Variants in LRP1B observed in about 807,000 individuals in gnomAD.
LRP1B encodes LDL receptor related protein 1B.
A neutral mutation model predicts 556.6 loss-of-function variants in LRP1B; 217 were observed. The observed-to-expected ratio is 0.39, with a 90% confidence interval of 0.35 to 0.44. LRP1B has a LOEUF of 0.44. LRP1B is among the 20% of genes least tolerant of loss of function. LRP1B has a pLI of 1.00. For synonymous variants in LRP1B, 2,047 were observed against 1,865.8 expected (o/e 1.10, Z -2.50); for missense variants, 5,053 against 5,620.8 (o/e 0.90, Z 3.23).
rs149512783 is a variant in LRP1B at position 141,278,060 on chromosome 2, T to G, written c.344-23419A>C. ...CTTCCCAATATTTCAACAAGCAAAT[T>G]TATTTTGATTCGTGAGCATGAGTCA... On this transcript the variant is annotated intron_variant, in intron 3 of 90. Transcript: ENST00000389484. Among the ~76,000 whole-genome samples the G allele has an allele frequency of 5.8e-3, 882 of 152,322 alleles. 9 individuals carry two copies. The highest frequency in any genetic ancestry group is 0.02 in the African/African-American group (829 of 41,586).
intron 2 of LRP1B, among the ~76,000 whole-genome samples, chr2:141,764,030 G>A (rs1328810100): frequency 6.6e-6 from 1 of 152,122 alleles, no homozygotes; most frequent in East Asian, 1.9e-4. Flanking sequence ...TAAGATAAAA[G>A]TTCTTAAATT....
chr2:141,319,689 A>G (rs1007646415), intron 3 of LRP1B, among the ~76,000 whole-genome samples: 1 of 152,114 alleles, frequency 6.6e-6, no homozygotes, highest in Non-Finnish European at 1.5e-5. Context: ...TCAGGTAGAT[A>G]ATACAGTTGT....
rs962257403 is a variant in LRP1B, at chr2:140,905,226, C to G, written c.3521-2061G>C. 5.3e-5 allele frequency among the ~76,000 whole-genome samples: 8 copies of G among 152,130 alleles called. No homozygotes were observed. In the South Asian group the frequency reaches 1.7e-3, roughly 32 times the overall value. ...CCTGCTGCCCTCACCTCCACCGCCC[C>G]CCTCCCCAAGCCCCTGGGCCACAAA... On this transcript the variant is annotated intron_variant, in intron 22 of 90. Transcript: ENST00000389484.
At chr2:140,514,624 T>A in intron 51 of LRP1B, 29 bp downstream of exon 51, 1 of 1,586,148 alleles carries the variant, frequency 6.3e-7, no homozygotes, top group Non-Finnish European at 8.6e-7. Context: ...GCTTAAAAAC[T>A]GATTGAGGAC....
chr2:141,398,801 C>G lies in LRP1B; in HGVS notation c.343+81595G>C, dbSNP rs560961429. Among the ~76,000 whole-genome samples, 267 of 152,300 alleles carry G rather than the reference C, an allele frequency of 1.8e-3. 2 individuals are homozygous for G. Among genetic ancestry groups the G allele is most frequent in the South Asian group, 3.7e-3 (18 of 4,824 alleles). ...CTTACAACAGCTGACTGAAACACCC[C>G]CTCCTTGAGGGTCCGGCCAACAGCT... On this transcript the variant is annotated intron_variant, in intron 3 of 90. Coordinates refer to ENST00000389484, the MANE Select transcript of LRP1B (RefSeq NM_018557.3).
At chr2:141,517,029 A>AAAAAAAAAAAAAAAAAAAAAAC (rs772472942) in intron 2 of LRP1B, among the ~76,000 whole-genome samples, 8 of 90,172 alleles carry the variant, frequency 8.9e-5, no homozygotes, top group South Asian at 4.3e-4. Flanking sequence ...AAAAAAAAAA[A>AAAAAAAAAAAAAAAAAAAAAAC]AAAGTAAATC....
At chr2:140,386,192 G>T (rs1683753666) in intron 66 of LRP1B, among the ~76,000 whole-genome samples, 183 bp from the exon 67 acceptor site, 1 of 152,124 alleles carries the variant, frequency 6.6e-6, no homozygotes, top group African/African-American at 2.4e-5. Flanking sequence ...CTTGTTTTAT[G>T]TTGTTACTGT....
intron 3 of LRP1B, among the ~76,000 whole-genome samples, chr2:141,420,511 T>G (rs1401943063): frequency 6.6e-6 from 1 of 152,102 alleles, no homozygotes; most frequent in Non-Finnish European, 1.5e-5. Context: ...AGCTCGTAAG[T>G]TTTTGCTCTC....
chr2:140,590,706 T>C (rs1405865108), intron 43 of LRP1B, among the ~76,000 whole-genome samples: 1 of 152,084 alleles, frequency 6.6e-6, no homozygotes, highest in Non-Finnish European at 1.5e-5. Flanking sequence ...CACCCTGATG[T>C]CAGAATTCCA....
chr2:141,001,188 G>C (rs1419271695), intron 15 of LRP1B, among the ~76,000 whole-genome samples: 1 of 152,062 alleles, frequency 6.6e-6, no homozygotes, highest in Non-Finnish European at 1.5e-5. Flanking sequence ...TTGGCCTCTT[G>C]ATCATTGTGT....
intron 4 of LRP1B, among the ~76,000 whole-genome samples, chr2:141,253,421 A>C (rs1684340947): frequency 6.6e-6 from 1 of 152,156 alleles, no homozygotes; most frequent in Non-Finnish European, 1.5e-5. Flanking sequence ...GTTTTTTTAT[A>C]AAATTGGTAT....
rs556977786 is a variant in LRP1B at position 141,527,067 on chromosome 2, T to C, written c.206-46534A>G. Among the ~76,000 whole-genome samples the C allele has an allele frequency of 4.2e-4, 64 of 152,238 alleles. 1 individual carries two copies. In the South Asian group the frequency reaches 0.012, roughly 28 times the overall value. Reference sequence around the variant, plus strand: ...GACCATTCAAAACTGTACCTAGTCATGGGGTGGACACCAAGTATGGGAGGG... The same window carrying C: ...GACCATTCAAAACTGTACCTAGTCACGGGGTGGACACCAAGTATGGGAGGG... On this transcript the variant is annotated intron_variant, in intron 2 of 90. Transcript: ENST00000389484.
At chr2:141,713,523 G>A (rs1223345813) in intron 2 of LRP1B, among the ~76,000 whole-genome samples, 4 of 152,082 alleles carry the variant, frequency 2.6e-5, no homozygotes, top group African/African-American at 7.2e-5. Flanking sequence ...CTGTTAAATA[G>A]CAATGTAATG....
intron 3 of LRP1B, among the ~76,000 whole-genome samples, chr2:141,323,105 G>A (rs1196644328): frequency 1.3e-5 from 2 of 152,068 alleles, no homozygotes; most frequent in Admixed American, 6.6e-5. Flanking sequence ...TGCTGCTGCT[G>A]CTACTACTAA....
intron 66 of LRP1B, among the ~76,000 whole-genome samples, chr2:140,423,587 C>T (rs1418917820): frequency 2.6e-5 from 4 of 151,976 alleles, no homozygotes; most frequent in African/African-American, 9.7e-5. Flanking sequence ...AATTGATTAT[C>T]TCTACTAATA....
intron 2 of LRP1B, among the ~76,000 whole-genome samples, chr2:141,685,466 T>C (rs2105436792): frequency 6.6e-6 from 1 of 152,196 alleles, no homozygotes; most frequent in South Asian, 2.1e-4. Context: ...GGGTGGACCA[T>C]ACTAAACTGA....
chr2:140,654,025 CAAAAAAAAAAAAA>C (rs61199077), intron 41 of LRP1B, among the ~76,000 whole-genome samples: 4 of 35,398 alleles, frequency 1.1e-4, no homozygotes, highest in African/African-American at 3.7e-4. Context: ...GACTCCATCT[CAAAAAAAAAAAAA>C]AAAAAAAAAA....
Position 140,598,770 on chromosome 2 carries a change from T to C in LRP1B, c.7055A>G (p.Lys2352Arg), listed in dbSNP as rs1474664150. Reference sequence around the variant, plus strand: ...TGTACTGACCACCACTTGAGCATTTTTCCCAGTCAGAGTAGATCTCATGAT... The same window carrying C: ...TGTACTGACCACCACTTGAGCATTTCTCCCAGTCAGAGTAGATCTCATGAT... ...PSIMRSTLTG[K>R]NAQVVVSTDI... is the part of the protein sequence containing the mutation. The change falls in exon 43 of 91, where the codon AAA (lysine) becomes AGA (arginine). Residue 2352 changes from lysine to arginine, a missense_variant. By Grantham distance (26) the Lys-to-Arg change is conservative. Around this residue, in one of 5 missense-constraint regions of LRP1B, gnomAD observed 3,619 missense variants for 3,931.9 expected, o/e 0.92. Transcript: ENST00000389484. The C allele has an allele frequency of 6.2e-7, 1 of 1,612,742 alleles. No individual in the cohort carries two copies. The highest frequency in any genetic ancestry group is 2.2e-5 in the East Asian group (1 of 44,832).
intron 67 of LRP1B, among the ~76,000 whole-genome samples, chr2:140,383,907 C>T (rs1270070328): frequency 6.6e-6 from 1 of 152,154 alleles, no homozygotes; most frequent in African/African-American, 2.4e-5. Flanking sequence ...CTTAAGGGCA[C>T]TGTGGCTACA....
Sources: gnomAD v4.1 joint callset for allele counts (sites outside exome capture counted in the v4.1 genomes callset) on GRCh38, gnomAD v4.1.1 for gene constraint, gnomAD v4.1.1 regional missense constraint, MANE v1.5 for transcripts, NCBI Gene and HGNC (gene_info 2026-07-23, HGNC 2026-07-21) for gene names.